Variants in EFR3B observed in about 807,000 individuals in gnomAD.
EFR3B encodes EFR3 homolog B.
A neutral mutation model predicts 104.7 loss-of-function variants in EFR3B; 64 were observed. The observed-to-expected ratio is 0.61, with a 90% CI of 0.50 to 0.75. The LOEUF is 0.75. Ranked by LOEUF, EFR3B falls within the 30% of genes least tolerant of loss-of-function variation. The pLI is 0.00. For synonymous variants in EFR3B, 385 were observed against 417.9 expected (o/e 0.92, Z 0.96); for missense variants, 750 against 1,078.5 (o/e 0.70, Z 4.27).
rs535714620 is a variant in EFR3B at position 25,101,452 on chromosome 2, C to T, written c.213-2185C>T. Among the ~76,000 whole-genome samples the T allele has an allele frequency of 3.9e-5, 6 of 152,280 alleles. No individual in the cohort carries two copies. In the South Asian group the frequency reaches 1.0e-3, roughly 26 times the overall value. On this transcript the variant is annotated intron_variant, in intron 3 of 22. Coordinates refer to ENST00000403714, the MANE Select transcript of EFR3B (RefSeq NM_014971.2). ...GCAGCCTCGACCTCTCAGGCTCAAG[C>T]GATCCTCCCACTTCAGCCTTTGAGT...
rs1670552621 is a variant in EFR3B at position 25,137,571 on chromosome 2, A to T, written c.1722+69A>T. The T allele has an allele frequency of 1.3e-6, 2 of 1,542,252 alleles. No individual in the cohort carries two copies. The highest frequency in any genetic ancestry group is 2.4e-5 in the South Asian group (2 of 83,258). ...AGGGACTTGTTTTGGGCAAGCCCTG[A>T]TAAGAGTATTGACTAGCAACTGCTT... On this transcript the variant is annotated intron_variant, in intron 15 of 22. Transcript: ENST00000403714. The surrounding 1 kb of genome is among the most constrained non-coding windows in gnomAD (Gnocchi z 4.7).
chr2:25,100,594 A>G (rs145757210), intron 3 of EFR3B, among the ~76,000 whole-genome samples: 1 of 152,002 alleles, frequency 6.6e-6, no homozygotes, highest in African/African-American at 2.4e-5. Context: ...CTGAGTTCAC[A>G]CCATTCTCCT....
At chr2:25,133,076 C>T (rs1157041586) in intron 11 of EFR3B, 62 bp downstream of exon 11, 2 of 1,404,838 alleles carry the variant, frequency 1.4e-6, no homozygotes, top group East Asian at 5.0e-5. Context: ...TTTCTGACCC[C>T]CTCCTTTATC....
At chr2:25,143,496 T>C (rs1158621340) in intron 17 of EFR3B, among the ~76,000 whole-genome samples, 1 of 151,898 alleles carries the variant, frequency 6.6e-6, no homozygotes, top group Non-Finnish European at 1.5e-5. Context: ...CCGTCTCTAC[T>C]AAAAATACAA....
chr2:25,052,496 C>CTTT lies in EFR3B; in HGVS notation c.7+10198_7+10200dup, dbSNP rs56005417. ...GCACCACTATGTGCCAGGCAGAATT[C>CTTT]TTTTTTTTTTTTTTTTTTTTTTTGA... is the stretch of plus-strand genomic sequence containing the variant. On this transcript the variant is annotated intron_variant, in intron 1 of 22. Transcript: ENST00000403714. Among the ~76,000 whole-genome samples the CTTT allele has an allele frequency of 9.8e-4, 94 of 95,674 alleles. 1 individual carries two copies. The highest frequency in any genetic ancestry group is 1.2e-3 in the Admixed American group (10 of 8,676). 62.8% of individuals were successfully genotyped at this position (95,674 alleles called of 152,430 possible).
At chr2:25,139,807 G>T (rs1670614622) in intron 16 of EFR3B, among the ~76,000 whole-genome samples, 1 of 152,094 alleles carries the variant, frequency 6.6e-6, no homozygotes, top group Non-Finnish European at 1.5e-5. Flanking sequence ...TTCACTCTAT[G>T]TATATCCGTC....
intron 1 of EFR3B, among the ~76,000 whole-genome samples, chr2:25,082,462 G>A (rs1331037983): frequency 6.6e-6 from 1 of 152,216 alleles, no homozygotes; most frequent in African/African-American, 2.4e-5. Flanking sequence ...GATGGGCTGG[G>A]CACCAAGTTC....
intron 1 of EFR3B, among the ~76,000 whole-genome samples, chr2:25,045,548 G>A (rs2149161327): frequency 6.6e-6 from 1 of 152,220 alleles, no homozygotes; most frequent in South Asian, 2.1e-4. Context: ...TTAGGAGGCT[G>A]AGGCGGGCAG....
chr2:25,132,235 C>T lies in EFR3B; in HGVS notation c.1147+324C>T, dbSNP rs1670364959. ...TGGCTGGGCAGGGCCTGAGCGACAG[C>T]GCAAGCAGTCAGATGAGTGTCTCAG... On this transcript the variant is annotated intron_variant, in intron 10 of 22. Coordinates refer to ENST00000403714, the MANE Select transcript of EFR3B (RefSeq NM_014971.2). Among the ~76,000 whole-genome samples the T allele has an allele frequency of 1.3e-5, 2 of 152,190 alleles. 1 individual carries two copies. The highest frequency in any genetic ancestry group is 4.1e-4 in the South Asian group (2 of 4,834).
chr2:25,044,903 C>T (rs1667675623), intron 1 of EFR3B, among the ~76,000 whole-genome samples: 1 of 152,174 alleles, frequency 6.6e-6, no homozygotes, highest in African/African-American at 2.4e-5. Context: ...GGACACAGTG[C>T]TATCTAGGAT....
intron 4 of EFR3B, among the ~76,000 whole-genome samples, chr2:25,107,390 C>A (rs1012453969): frequency 6.6e-6 from 1 of 152,186 alleles, no homozygotes; most frequent in Non-Finnish European, 1.5e-5. Flanking sequence ...CTCTGCAGAA[C>A]GTCTCTTCAG....
In EFR3B at chr2:25,042,439, C is replaced by G. The variant is rs1466883060; in HGVS notation, c.7+120C>G. ...GGGGCCAGGCCGCTGACCTGGTGCC[C>G]GGCGGGGCTGTTGCGGTCGCTCTGT... On this transcript the variant is annotated intron_variant, in intron 1 of 22. Transcript: ENST00000403714. The surrounding 1 kb of genome is among the most constrained non-coding windows in gnomAD (Gnocchi z 5.4). 4 of 1,214,260 alleles carry G rather than the reference C, an allele frequency of 3.3e-6. No homozygotes were observed. The highest frequency in any genetic ancestry group is 4.1e-6 in the Non-Finnish European group (4 of 976,736). 75.2% of individuals were successfully genotyped at this position (1,214,260 alleles called of 1,614,324 possible).
chr2:25,144,874 C>CA, intron 18 of EFR3B, 86 bp from the exon 19 acceptor site: 1 of 1,197,598 alleles, frequency 8.4e-7, no homozygotes, highest in Non-Finnish European at 1.2e-6. Context: ...CAAGCAAAGG[C>CA]AGAGGGGTAG....
intron 4 of EFR3B, chr2:25,115,940 C>T (rs1002914034): frequency 1.3e-5 from 2 of 152,176 alleles, no homozygotes; most frequent in African/African-American, 2.4e-5. Flanking sequence ...TGATGTCTTT[C>T]GGATATTTTG....
At chr2:25,153,855 T>C in intron 22 of EFR3B, 94 bp downstream of exon 22, 1 of 1,275,102 alleles carries the variant, frequency 7.8e-7, no homozygotes, top group South Asian at 1.3e-5. Flanking sequence ...TTCTCTTCTC[T>C]CCTCCCCACC....
chr2:25,120,126 G>A (rs1395141770), intron 4 of EFR3B, among the ~76,000 whole-genome samples: 3 of 152,080 alleles, frequency 2.0e-5, no homozygotes, highest in Admixed American at 6.6e-5. Context: ...AGGCCGAGGT[G>A]GGTGGATCAC....
chr2:25,115,935 T>G (rs1287772924), intron 4 of EFR3B: 1 of 152,268 alleles, frequency 6.6e-6, no homozygotes, highest in Non-Finnish European at 1.5e-5. Context: ...CTTTGTGATG[T>G]CTTTCGGATA....
intron 1 of EFR3B, among the ~76,000 whole-genome samples, chr2:25,059,581 G>A (rs796463853): frequency 1.4e-5 from 2 of 139,876 alleles, no homozygotes; most frequent in South Asian, 2.5e-4. Context: ...GCGGGGGGGG[G>A]GGGGGTGGAG....
chr2:25,069,589 A>C (rs1201004641), intron 1 of EFR3B, among the ~76,000 whole-genome samples: 1 of 152,222 alleles, frequency 6.6e-6, no homozygotes, highest in Non-Finnish European at 1.5e-5. Flanking sequence ...CCATGTAGAC[A>C]ATCTGTCTGA....
Sources: allele counts gnomAD v4.1 joint callset (sites outside exome capture counted in the v4.1 genomes callset), GRCh38; gene constraint gnomAD v4.1.1; non-coding constraint Gnocchi (gnomAD v3.1); transcripts MANE v1.5; gene names NCBI Gene and HGNC (gene_info 2026-07-23, HGNC 2026-07-21).